KIF21B: variants seen among roughly 807,000 people sequenced by gnomAD.
The protein encoded by KIF21B is kinesin-like protein KIF21B.
A neutral mutation model predicts 192.9 loss-of-function variants in KIF21B; 85 were observed. That is an observed-to-expected ratio of 0.44 (90% CI 0.37 to 0.53). KIF21B has a LOEUF of 0.53. KIF21B is among the 20% of genes least tolerant of loss of function. The pLI is 0.00. For synonymous variants in KIF21B, 832 were observed against 884.6 expected, an observed-to-expected ratio of 0.94 and a Z score of 1.05; for missense variants, 1,716 against 2,194.8, an observed-to-expected ratio of 0.78 and a Z score of 4.36.
In KIF21B at chr1:201,005,331, G is replaced by A. The variant is rs773539819; in HGVS notation, c.709C>T (p.Arg237Cys). 8.7e-6 allele frequency: 14 copies of A among 1,608,442 alleles called. No homozygotes were observed. The highest frequency in any genetic ancestry group is 4.5e-5 in the East Asian group (2 of 44,854). Reference protein sequence around the residue: ...AIFTIHLCQMRMCTQPDLVNE... With the variant: ...AIFTIHLCQMCMCTQPDLVNE... Reference sequence around the variant, plus strand: ...ACCAGGTCGGGCTGGGTGCACATGCGCATCTGGCACAGGTGGATGGTGAAG... The same window carrying A: ...ACCAGGTCGGGCTGGGTGCACATGCACATCTGGCACAGGTGGATGGTGAAG... The change falls in exon 5 of 35, where the codon CGC becomes TGC. Residue 237 changes from arginine to cysteine, a missense_variant. Physicochemically the swap from Arg to Cys is radical, Grantham distance 180 (BLOSUM62 -3). Coordinates refer to ENST00000461742, the MANE Select transcript of KIF21B (RefSeq NM_001252102.2).
chr1:201,014,061 G>A (rs921271444), intron 1 of KIF21B, among the ~76,000 whole-genome samples: 2 of 152,246 alleles, frequency 1.3e-5, no homozygotes, highest in Non-Finnish European at 2.9e-5. Context: ...TTGGCAACCC[G>A]GAGGCTGAGC....
In KIF21B at chr1:200,977,319, G is replaced by A; in HGVS notation, c.4218C>T (p.Ile1406=). ...TCTGATGCTCGCCCTGAGCACTGGTGATGGCACGGGTGGATGTGGCGGCAC... is the reference window on the plus strand; with the variant it reads ...TCTGATGCTCGCCCTGAGCACTGGTAATGGCACGGGTGGATGTGGCGGCAC... ...DACAATSTRA[I]TSAQGEHQIN... is the part of the protein sequence containing the mutation. Residue 1406 remains isoleucine, a synonymous_variant, in exon 31 of 35, where the codon ATC becomes ATT. Coordinates refer to ENST00000461742, the MANE Select transcript of KIF21B (RefSeq NM_001252102.2). 2 of 1,614,250 alleles carry A rather than the reference G, an allele frequency of 1.2e-6. No individual in the cohort carries two copies. The highest frequency in any genetic ancestry group is 1.7e-6 in the Non-Finnish European group (2 of 1,180,046).
At chr1:200,987,297 T>A in intron 24 of KIF21B, 96 bp from the exon 25 acceptor site, 1 of 1,125,524 alleles carries the variant, frequency 8.9e-7, no homozygotes, top group Non-Finnish European at 1.3e-6. Flanking sequence ...TTTGAGACAG[T>A]GGTGCAAACA....
chr1:201,022,066 A>G (rs762805817), intron 1 of KIF21B, among the ~76,000 whole-genome samples: 11 of 152,202 alleles, frequency 7.2e-5, no homozygotes, highest in Non-Finnish European at 1.6e-4. Flanking sequence ...CCTAGGGTGC[A>G]TGGGTGGGGG....
chr1:201,000,274 TG>T lies in KIF21B; in HGVS notation c.1685+115del. ...GCAATACTGAGGCAGCCCCTGGGGC[TG>T]GGGGCGTGGAGGTTCCCTCCTAAAC... On this transcript the variant is annotated intron_variant, in intron 11 of 34. Coordinates refer to ENST00000461742, the MANE Select transcript of KIF21B (RefSeq NM_001252102.2). The surrounding 1 kb of genome is among the most constrained non-coding windows in gnomAD (Gnocchi z 6.0). 4.6e-6 allele frequency: 5 copies of T among 1,077,204 alleles called. No homozygotes were observed. Among genetic ancestry groups the T allele is most frequent in the Non-Finnish European group, 6.7e-6 (5 of 748,530 alleles). The allele number at this position is 1,077,204 out of a possible 1,614,324, so 66.7% of individuals were successfully genotyped here.
chr1:201,006,819 AAGACACAGAGATACACAGACAC>A lies in KIF21B; in HGVS notation c.448-1147_448-1126del, dbSNP rs1471894533. Among the ~76,000 whole-genome samples the A allele has an allele frequency of 2.7e-4, 40 of 148,138 alleles. 1 individual carries two copies. The highest frequency in any genetic ancestry group is 2.1e-3 in the Admixed American group (31 of 14,970). Reference sequence around the variant, plus strand: ...ACACACACACAGAGACACCCACATAAAGACACAGAGATACACAGACACAGACACAGAGACACACAGACACACA... The same window carrying A: ...ACACACACACAGAGACACCCACATAAAGACACAGAGACACACAGACACACA... On this transcript the variant is annotated intron_variant, in intron 3 of 34. Transcript: ENST00000461742.
chr1:200,986,421 G>C (rs1019486923), intron 26 of KIF21B, among the ~76,000 whole-genome samples: 1 of 149,462 alleles, frequency 6.7e-6, no homozygotes, highest in Non-Finnish European at 1.5e-5. Context: ...GTAGTGGCAC[G>C]ATCTCAGCTC....
At chr1:200,991,758 C>A (rs12123633) in intron 16 of KIF21B, 33 bp from the exon 17 acceptor site, 1 of 1,608,438 alleles carries the variant, frequency 6.2e-7, no homozygotes, top group Non-Finnish European at 8.5e-7. Flanking sequence ...GGGCTCCACA[C>A]TCAGGCACCT....
In KIF21B at chr1:201,005,320, G is replaced by C. The variant is rs530491419; in HGVS notation, c.720C>G (p.Thr240=). Residue 240 remains threonine (T), a synonymous_variant, in exon 5 of 35, where the codon ACC becomes ACG. Coordinates refer to ENST00000461742, the MANE Select transcript of KIF21B (RefSeq NM_001252102.2). ...GCAGGCTCCTCACCAGGTCGGGCTG[G>C]GTGCACATGCGCATCTGGCACAGGT... ...TIHLCQMRMC[T]QPDLVNEAVT... is the part of the protein sequence containing the mutation. 6.2e-7 allele frequency: 1 copy of C among 1,604,370 alleles called. No homozygotes were observed. The highest frequency in any genetic ancestry group is 2.2e-5 in the East Asian group (1 of 44,806).
chr1:200,979,605 A>G lies in KIF21B; in HGVS notation c.4090T>C (p.Phe1364Leu). 6.3e-7 allele frequency: 1 copy of G among 1,592,274 alleles called. No individual in the cohort carries two copies. ...TTGATGTAGGAGGTGGACACGGAGA[A>G]CACAAGCCCCGAGTGGCTGCAGTAC... ...IKYCSHSGLV[F>L]SVSTSYIKVW... Residue 1364 changes from phenylalanine to leucine, a missense_variant, in exon 30 of 35, where the codon TTC (phenylalanine) becomes CTC (leucine). Physicochemically the swap from Phe to Leu is conservative, Grantham distance 22. Around this residue, in one of 3 missense-constraint regions of KIF21B, gnomAD observed 580 missense variants for 775.5 expected, o/e 0.75. Transcript: ENST00000461742.
Position 200,990,070 on chromosome 1 carries a change from T to C in KIF21B, c.3031-27A>G. The C allele has an allele frequency of 1.2e-6, 2 of 1,609,698 alleles. No individual in the cohort carries two copies. The highest frequency in any genetic ancestry group is 1.7e-6 in the Non-Finnish European group (2 of 1,176,410). On this transcript the variant is annotated intron_variant, in intron 20 of 34. Transcript: ENST00000461742. The surrounding 1 kb of genome is among the most constrained non-coding windows in gnomAD (Gnocchi z 5.4). ...TAGGACCGGGAGGCAGAGAGCCCCG[T>C]CACCTGGGGCTACCCCTGCCACCCA...
chr1:200,983,081 C>T lies in KIF21B; in HGVS notation c.3817G>A (p.Asp1273Asn), dbSNP rs1231955110. 3 of 1,536,066 alleles carry T rather than the reference C, an allele frequency of 2.0e-6. No individual in the cohort carries two copies. Among genetic ancestry groups the T allele is most frequent in the Non-Finnish European group, 2.6e-6 (3 of 1,146,884 alleles). The stretch of plus-strand genomic sequence containing the variant: ...CTCAGGACCTCCGACAAAGAGGAGT[C>T]GCTGTCATCAGACCTGGGGAGGGCA... ...GSALDKSDDS[D>N]SSLSEVLRGI... Residue 1273 changes from aspartate (D) to asparagine (N), a missense_variant, in exon 28 of 35, where the codon GAC (aspartate) becomes AAC (asparagine). Physicochemically the swap from Asp to Asn is conservative, Grantham distance 23 (BLOSUM62 1). This residue lies in a region of KIF21B where 580 missense variants were observed against 775.5 expected (regional missense o/e 0.75). Coordinates refer to ENST00000461742, the MANE Select transcript of KIF21B (RefSeq NM_001252102.2).
intron 8 of KIF21B, chr1:201,003,063 C>G (rs190710532): frequency 6.0e-6 from 1 of 166,662 alleles, no homozygotes; most frequent in East Asian, 1.6e-4. Context: ...GCTGTCCCAT[C>G]TCATTTTGCT....
intron 30 of KIF21B, among the ~76,000 whole-genome samples, chr1:200,977,627 G>A (rs1302291069): frequency 6.6e-6 from 1 of 152,142 alleles, no homozygotes; most frequent in Non-Finnish European, 1.5e-5. Flanking sequence ...AAGATGGTAA[G>A]GCTCAGTCAT....
intron 32 of KIF21B, 43 bp downstream of exon 32, chr1:200,976,733 G>C: frequency 1.6e-6 from 2 of 1,274,390 alleles, no homozygotes; most frequent in Non-Finnish European, 2.2e-6. Context: ...AGATTGGGGA[G>C]AGTGGAAGAC....
At chr1:200,976,969 A>G (rs762043749) in intron 31 of KIF21B, 76 bp from the exon 32 acceptor site, 3 of 1,164,506 alleles carry the variant, frequency 2.6e-6, no homozygotes, top group South Asian at 2.8e-5. Flanking sequence ...GTCTGCCCCA[A>G]AACAAATAGG....
chr1:200,974,253 G>C, intron 34 of KIF21B: 2 of 1,499,202 alleles, frequency 1.3e-6, no homozygotes, highest in South Asian at 1.4e-5. Flanking sequence ...GGAAGGGGAG[G>C]GGAGAGAAGG....
At chr1:200,987,549 G>C (rs1045350014) in intron 24 of KIF21B, among the ~76,000 whole-genome samples, 1 of 152,088 alleles carries the variant, frequency 6.6e-6, no homozygotes, top group Non-Finnish European at 1.5e-5. Flanking sequence ...CAGCCCGCCC[G>C]GAAATTCTAA....
chr1:200,990,638 C>T lies in KIF21B; in HGVS notation c.2773G>A (p.Asp925Asn), dbSNP rs1235478663. Reference protein sequence around the residue: ...KWQSLERRIIDIVMQRMTIVN... With the variant: ...KWQSLERRIINIVMQRMTIVN... ...ATGGTCATTCTCTGCATGACGATGT[C>T]AATGATCCGTCGCTCCAGGGACTGC... The change falls in exon 19 of 35, where the codon GAC becomes AAC. Residue 925 changes from aspartate to asparagine, a missense_variant. By Grantham distance (23) the Asp-to-Asn change is conservative. This residue lies in a region of KIF21B where 1,087 missense variants were observed against 1,316.6 expected (regional missense o/e 0.83). Transcript: ENST00000461742. The surrounding 1 kb of genome is among the most constrained non-coding windows in gnomAD (Gnocchi z 5.4). 3 of 1,614,058 alleles carry T rather than the reference C, an allele frequency of 1.9e-6. No homozygotes were observed. The highest frequency in any genetic ancestry group is 1.7e-6 in the Non-Finnish European group (2 of 1,180,038).
Sources: allele counts gnomAD v4.1 joint callset (sites outside exome capture counted in the v4.1 genomes callset), GRCh38; gene constraint gnomAD v4.1.1; regional missense constraint gnomAD v4.1.1; non-coding constraint Gnocchi (gnomAD v3.1); transcripts MANE v1.5; gene names NCBI Gene and HGNC (gene_info 2026-07-23, HGNC 2026-07-21).